The following TACC1 variants were observed in gnomAD, a reference collection of about 807,000 sequenced individuals.
The protein encoded by TACC1 is transforming acidic coiled-coil containing protein 1, also known as transforming acidic coiled-coil-containing protein 1.
TACC1 carries 48 observed loss-of-function variants against 84.4 expected under a neutral mutation model. The ratio of observed to expected loss-of-function variants is 0.57; its 90% CI spans 0.45 to 0.72. The LOEUF (loss-of-function observed/expected upper bound fraction) is 0.72. TACC1 is among the 30% of genes least tolerant of loss of function. The pLI is 0.00. For missense variants in TACC1, 920 were observed against 973.0 expected (o/e 0.95, Z 0.72); for synonymous variants, 372 against 376.3 (o/e 0.99, Z 0.13).
At chr8:38,753,524 G>C (rs1809406001) in intron 3 of TACC1, among the ~76,000 whole-genome samples, 1 of 152,244 alleles carries the variant, frequency 6.6e-6, no homozygotes. Flanking sequence ...CAGGCTCTGA[G>C]ATGGAGAAAC....
chr8:38,820,693 G>A, intron 3 of TACC1, 58 bp downstream of exon 3: 2 of 1,549,302 alleles, frequency 1.3e-6, no homozygotes, highest in South Asian at 2.4e-5. Context: ...GAGTTTGGCA[G>A]CCAGCTACTT....
intron 8 of TACC1, 92 bp from the exon 9 acceptor site, chr8:38,840,132 G>T (rs1237407798): frequency 5.9e-6 from 5 of 844,736 alleles, no homozygotes; most frequent in East Asian, 2.8e-5. Context: ...GTCAGTGTAT[G>T]TTAATGTGTT....
chr8:38,786,030 C>G (rs1563460279), upstream of TACC1: 2 of 152,152 alleles, frequency 1.3e-5, no homozygotes, highest in East Asian at 1.9e-4. Flanking sequence ...AATATACATG[C>G]CAACTGCTTT....
chr8:38,816,269 A>T (rs1825419669), intron 2 of TACC1, among the ~76,000 whole-genome samples: 1 of 152,204 alleles, frequency 6.6e-6, no homozygotes, highest in Non-Finnish European at 1.5e-5. Context: ...TTGGTAGAAA[A>T]TACAAAACTA....
In TACC1 at chr8:38,788,836, A is replaced by C; in HGVS notation, c.277+17A>C. The C allele has an allele frequency of 6.4e-7, 1 of 1,570,780 alleles. No individual in the cohort carries two copies. Among genetic ancestry groups the C allele is most frequent in the Non-Finnish European group, 8.7e-7 (1 of 1,155,832 alleles). On this transcript the variant is annotated intron_variant, in intron 2 of 12. Coordinates refer to ENST00000317827, the MANE Select transcript of TACC1 (RefSeq NM_006283.3). ...AAAGCCAAGGTAAAGAAAAACTTGC[A>C]TTTTTCCTGCCTGTTTTGTTTCAAA...
At chr8:38,729,954 T>G (rs1804601004) in intron 1 of TACC1, among the ~76,000 whole-genome samples, 1 of 152,076 alleles carries the variant, frequency 6.6e-6, no homozygotes, top group Non-Finnish European at 1.5e-5. Context: ...CTTTGTGGAG[T>G]TCAGCGTGGA....
intron 1 of TACC1, chr8:38,788,435 G>A (rs952819787): frequency 8.9e-6 from 3 of 338,936 alleles, no homozygotes; most frequent in Non-Finnish European, 1.6e-5. Context: ...GTGTCTGAGG[G>A]AAGGATGACC....
chr8:38,750,592 C>T (rs1006245313), intron 3 of TACC1, among the ~76,000 whole-genome samples: 8 of 152,104 alleles, frequency 5.3e-5, no homozygotes, highest in African/African-American at 1.9e-4. Context: ...ATTAGAGGTA[C>T]AAGGTTGCAG....
At chr8:38,847,924 G>A (rs369952487) in intron 12 of TACC1, 31 bp from the exon 13 acceptor site, 2 of 1,587,982 alleles carry the variant, frequency 1.3e-6, no homozygotes, top group South Asian at 1.1e-5. Context: ...AATACAAAGT[G>A]GCCTGCATAA....
intron 2 of TACC1, among the ~76,000 whole-genome samples, chr8:38,798,760 G>A (rs536677059): frequency 2.6e-5 from 4 of 152,090 alleles, no homozygotes; most frequent in South Asian, 2.1e-4. Context: ...CCATGCTTCC[G>A]GGGATCCTGG....
rs761206317 is a variant in TACC1, at chr8:38,820,543, G to C, written c.1299G>C (p.Thr433=). 6.2e-7 allele frequency: 1 copy of C among 1,613,898 alleles called. No individual in the cohort carries two copies. Among genetic ancestry groups the C allele is most frequent in the Non-Finnish European group, 8.5e-7 (1 of 1,180,012 alleles). ...CCATGGATCCCTTTAAACCAACTAC[G>C]ACCTTAACAAGCAGTGACTTTTGTT... ...DESMDPFKPT[T]TLTSSDFCSP... The change falls in exon 3 of 13, where the codon ACG becomes ACC. Residue 433 remains threonine, a synonymous_variant. Transcript: ENST00000317827.
intron 1 of TACC1, 100 bp downstream of exon 1, chr8:38,787,843 T>TCCTCACGGCCGTGCCGCGTCCCTGCCCG: frequency 8.5e-7 from 1 of 1,182,016 alleles, no homozygotes; most frequent in South Asian, 1.7e-5. Flanking sequence ...CGCGAAACCG[T>TCCTCACGGCCGTGCCGCGTCCCTGCCCG]CCTCACGGCC....
chr8:38,847,864 A>T, intron 12 of TACC1, 91 bp from the exon 13 acceptor site: 6 of 1,013,258 alleles, frequency 5.9e-6, no homozygotes, highest in Non-Finnish European at 9.2e-6. Context: ...TGTCTAGGGT[A>T]GGGTAGATCC....
chr8:38,737,435 A>T lies in TACC1; in HGVS notation c.-674-4916A>T, dbSNP rs115024861. ...CGATGAGATCAGGAGACTGGGCTGG[A>T]ACAGAAATCTACATCCAGCTTCCTT... On this transcript the variant is annotated intron_variant, in intron 1 of 14. Transcript: ENST00000518415. 6.6e-3 allele frequency among the ~76,000 whole-genome samples: 998 copies of T among 152,316 alleles called. 12 individuals carry two copies. Among genetic ancestry groups the T allele is most frequent in the African/African-American group, 0.023 (957 of 41,568 alleles).
At chr8:38,811,729 A>T (rs1824199526) in intron 2 of TACC1, among the ~76,000 whole-genome samples, 1 of 152,186 alleles carries the variant, frequency 6.6e-6, no homozygotes, top group African/African-American at 2.4e-5. Context: ...ATTGTGAAGC[A>T]TGTGTGTTTA....
chr8:38,780,184 G>C (rs935011358), intron 3 of TACC1, among the ~76,000 whole-genome samples: 1 of 152,112 alleles, frequency 6.6e-6, no homozygotes, highest in African/African-American at 2.4e-5. Context: ...CTTGTAGACT[G>C]TTTTCTCCCA....
In TACC1 at chr8:38,729,634, C is replaced by T. The variant is rs113093047; in HGVS notation, c.-675+963C>T. On this transcript the variant is annotated intron_variant, in intron 1 of 14. Transcript: ENST00000518415. ...CTGTAATCCCAGCACTTTGGAAGGC[C>T]GAGGCGGGCAGATCACTTGAGGTCA... Among the ~76,000 whole-genome samples, 674 of 152,162 alleles carry T rather than the reference C, an allele frequency of 4.4e-3. 9 individuals carry two copies. Among genetic ancestry groups the T allele is most frequent in the African/African-American group, 0.015 (641 of 41,504 alleles).
chr8:38,826,115 T>C (rs571262738), intron 4 of TACC1, among the ~76,000 whole-genome samples: 43 of 152,324 alleles, frequency 2.8e-4, no homozygotes, highest in Non-Finnish European at 3.4e-4. Context: ...ATACATTCAT[T>C]GGTTAATAGA....
intron 3 of TACC1, among the ~76,000 whole-genome samples, chr8:38,765,174 T>A (rs76122589): frequency 3.3e-5 from 5 of 150,026 alleles, no homozygotes; most frequent in African/African-American, 9.8e-5. Flanking sequence ...TTTTTTTTTT[T>A]AATGTGTAAT....
Sources: allele counts gnomAD v4.1 joint callset (sites outside exome capture counted in the v4.1 genomes callset), GRCh38; gene constraint gnomAD v4.1.1; transcripts MANE v1.5; gene names NCBI Gene and HGNC (gene_info 2026-07-23, HGNC 2026-07-21).